MYRIP: variants seen among roughly 807,000 people sequenced by gnomAD.
MYRIP encodes rab effector MyRIP.
Under a neutral mutation model 98.0 loss-of-function variants are expected in MYRIP, and 49 were observed. That is an observed-to-expected ratio of 0.50 (90% CI 0.40 to 0.63). The LOEUF (loss-of-function observed/expected upper bound fraction) is 0.63. Ranked by LOEUF, MYRIP falls within the 30% of genes least tolerant of loss-of-function variation. The pLI is 0.00. For missense variants in MYRIP, 1,004 were observed against 1,058.2 expected (o/e 0.95, Z 0.71); for synonymous variants, 404 against 409.5 (o/e 0.99, Z 0.16).
chr3:39,827,854 C>T (rs1013052444), intron 1 of MYRIP, among the ~76,000 whole-genome samples: 2 of 150,420 alleles, frequency 1.3e-5, no homozygotes, highest in Admixed American at 6.6e-5. Flanking sequence ...ATAGCTTTGC[C>T]GAATATAATA....
intron 2 of MYRIP, among the ~76,000 whole-genome samples, chr3:39,944,121 T>C (rs1944849332): frequency 6.6e-6 from 1 of 152,184 alleles, no homozygotes; most frequent in South Asian, 2.1e-4. Context: ...CATACATTAC[T>C]GAGTGGATGT....
At chr3:39,892,428 G>T (rs1441427019) in intron 1 of MYRIP, among the ~76,000 whole-genome samples, 1 of 152,192 alleles carries the variant, frequency 6.6e-6, no homozygotes, top group Non-Finnish European at 1.5e-5. Context: ...GGCCTTAGGG[G>T]TTAAGCACAT....
chr3:39,856,537 T>C (rs899108605), intron 1 of MYRIP, among the ~76,000 whole-genome samples: 1 of 152,096 alleles, frequency 6.6e-6, no homozygotes, highest in Non-Finnish European at 1.5e-5. Flanking sequence ...CAGGGGCAAT[T>C]ATACAGCCCA....
At position 39,941,520 on chromosome 3, in the gene MYRIP, C is replaced by G. The variant is rs149283808; in HGVS notation, c.110+40594C>G. ...GTGTGTGTGTGTGTGTATATATATACACACACACACTTTTTTTTACAGTAG... is the reference window on the plus strand; with the variant it reads ...GTGTGTGTGTGTGTGTATATATATAGACACACACACTTTTTTTTACAGTAG... On this transcript the variant is annotated intron_variant, in intron 2 of 16. Transcript: ENST00000302541. Among the ~76,000 whole-genome samples the G allele has an allele frequency of 1.8e-3, 266 of 146,568 alleles. 3 individuals are homozygous for G. The East Asian group carries it at 0.023, about 12-fold the overall frequency.
At chr3:40,214,381 T>C (rs1575641962) in intron 11 of MYRIP, among the ~76,000 whole-genome samples, 1 of 152,200 alleles carries the variant, frequency 6.6e-6, no homozygotes, top group South Asian at 2.1e-4. Flanking sequence ...CAGCTCAATG[T>C]CCTCAGTATA....
intron 2 of MYRIP, among the ~76,000 whole-genome samples, chr3:39,937,071 C>G (rs1282439938): frequency 1.3e-5 from 2 of 152,156 alleles, no homozygotes; most frequent in African/African-American, 4.8e-5. Context: ...CCTACCCACC[C>G]CCATACACTT....
intron 2 of MYRIP, among the ~76,000 whole-genome samples, chr3:39,994,776 G>A (rs1257840187): frequency 1.3e-5 from 2 of 152,206 alleles, no homozygotes; most frequent in African/African-American, 2.4e-5. Flanking sequence ...AGCCTAACTG[G>A]GAGGCACCCC....
In MYRIP at chr3:39,900,782, C is replaced by T. The variant is rs766371352; in HGVS notation, c.-30-5C>T. On this transcript the variant is annotated splice_polypyrimidine_tract_variant and splice_region_variant and intron_variant, in intron 1 of 16. Coordinates refer to ENST00000302541, the MANE Select transcript of MYRIP (RefSeq NM_015460.4). ...TATCTTGCTTGTATCATTTTGGTTT[C>T]CCAGGTCTTGTTTCATCATCTGTGT... 1 of 1,536,112 alleles carries T rather than the reference C, an allele frequency of 6.5e-7. No homozygotes were observed. The highest frequency in any genetic ancestry group is 8.9e-7 in the Non-Finnish European group (1 of 1,119,526).
intron 1 of MYRIP, among the ~76,000 whole-genome samples, chr3:39,880,473 T>C (rs539068412): frequency 6.6e-6 from 1 of 152,378 alleles, no homozygotes; most frequent in African/African-American, 2.4e-5. Context: ...TTCAGCCATT[T>C]CTTCATTGAG....
intron 1 of MYRIP, among the ~76,000 whole-genome samples, chr3:39,857,404 A>C (rs954254511): frequency 5.9e-5 from 9 of 152,226 alleles, no homozygotes; most frequent in African/African-American, 1.9e-4. Flanking sequence ...TGAAAAGTTC[A>C]AAGAGAAATC....
intron 8 of MYRIP, among the ~76,000 whole-genome samples, chr3:40,181,404 T>C (rs1174384371): frequency 1.3e-5 from 2 of 152,210 alleles, no homozygotes; most frequent in Non-Finnish European, 2.9e-5. Flanking sequence ...CTGCTGGTGC[T>C]GACATCAACC....
rs1575638144 is a variant in MYRIP at position 40,211,860 on chromosome 3, T to C, written c.1905+1767T>C. Among the ~76,000 whole-genome samples, 3 of 151,990 alleles carry C rather than the reference T, an allele frequency of 2.0e-5. No homozygotes were observed. In the South Asian group the frequency reaches 6.2e-4, roughly 32 times the overall value. ...ACGCTATTCTCCCCTGGGCAGAGTG[T>C]CAGCAGAGAAAGGAGGAGCTACTGG... On this transcript the variant is annotated intron_variant, in intron 11 of 16. Transcript: ENST00000302541.
At chr3:39,968,190 G>A (rs1294705502) in intron 2 of MYRIP, among the ~76,000 whole-genome samples, 1 of 148,870 alleles carries the variant, frequency 6.7e-6, no homozygotes, top group Non-Finnish European at 1.5e-5. Flanking sequence ...GTCTTTCAGG[G>A]TTTTTATAGT....
At chr3:39,912,933 A>C (rs984423589) in intron 2 of MYRIP, among the ~76,000 whole-genome samples, 2 of 152,180 alleles carry the variant, frequency 1.3e-5, no homozygotes, top group African/African-American at 4.8e-5. Context: ...CCAGCTACTC[A>C]GGAGGCCGAG....
chr3:39,955,675 C>T (rs913679256), intron 2 of MYRIP, among the ~76,000 whole-genome samples: 1 of 152,060 alleles, frequency 6.6e-6, no homozygotes, highest in Non-Finnish European at 1.5e-5. Context: ...TCACACATAA[C>T]AATATTAACC....
chr3:39,942,204 C>T (rs1255023836), intron 2 of MYRIP, among the ~76,000 whole-genome samples: 1 of 152,122 alleles, frequency 6.6e-6, no homozygotes, highest in African/African-American at 2.4e-5. Flanking sequence ...GTGTTCAGTG[C>T]AGGTCAGAAT....
intron 2 of MYRIP, among the ~76,000 whole-genome samples, chr3:39,920,986 C>T (rs1335836251): frequency 6.6e-6 from 1 of 152,180 alleles, no homozygotes; most frequent in African/African-American, 2.4e-5. Context: ...AGAGATGATT[C>T]TGGTCCACTG....
At chr3:39,816,584 G>A (rs555814243) in intron 1 of MYRIP, among the ~76,000 whole-genome samples, 1 of 152,322 alleles carries the variant, frequency 6.6e-6, no homozygotes, top group South Asian at 2.1e-4. Flanking sequence ...ATTATACAAT[G>A]TAGTTAGTAA....
Position 40,260,255 on chromosome 3 carries a change from TTA to T in MYRIP, c.*2093_*2094del, listed in dbSNP as rs1953723707. ...TCTGAAAGTTATGCTTCCCTTCATG[TTA>T]TATGCACATTGCCAAGAATTACTGT... On this transcript the variant is annotated 3_prime_UTR_variant, in exon 17 of 17. Transcript: ENST00000302541. 6.6e-6 allele frequency: 1 copy of T among 152,248 alleles called. No individual in the cohort carries two copies. Among genetic ancestry groups the T allele is most frequent in the South Asian group, 2.1e-4 (1 of 4,834 alleles). 9.4% of individuals were successfully genotyped at this position (152,248 alleles called of 1,614,324 possible).
Sources: gnomAD v4.1 joint callset for allele counts (sites outside exome capture counted in the v4.1 genomes callset) on GRCh38, gnomAD v4.1.1 for gene constraint, MANE v1.5 for transcripts, NCBI Gene and HGNC (gene_info 2026-07-23, HGNC 2026-07-21) for gene names.